Variants in ZEB1 observed in about 807,000 individuals in gnomAD.
ZEB1 encodes the protein zinc finger E-box-binding homeobox 1.
In ZEB1, 21 loss-of-function variants were observed where a neutral mutation model predicts 84.9. That is an observed-to-expected ratio of 0.25 (90% CI 0.18 to 0.36). The LOEUF (loss-of-function observed/expected upper bound fraction) is 0.36. ZEB1 is among the 10% of genes least tolerant of loss of function. ZEB1 has a pLI of 1.00. For missense variants in ZEB1, 1,104 were observed against 1,330.2 expected (o/e 0.83, Z 2.65); for synonymous variants, 420 against 471.1 (o/e 0.89, Z 1.41).
intron 1 of ZEB1, chr10:31,320,150 A>G (rs1589889830): frequency 1.3e-5 from 2 of 151,146 alleles, no homozygotes; most frequent in Admixed American, 6.6e-5. Context: ...GAGCCCCGCG[A>G]GTGGGGTCCA....
At chr10:31,443,243 CTG>C (rs1420077702) in intron 1 of ZEB1, among the ~76,000 whole-genome samples, 1 of 152,116 alleles carries the variant, frequency 6.6e-6, no homozygotes, top group Non-Finnish European at 1.5e-5. Flanking sequence ...TAAGAATTCT[CTG>C]TAAAATAAAG....
intron 1 of ZEB1, among the ~76,000 whole-genome samples, chr10:31,339,377 T>G (rs1254066812): frequency 6.6e-6 from 1 of 152,192 alleles, no homozygotes; most frequent in Admixed American, 6.5e-5. Flanking sequence ...GAGAGAGTAT[T>G]TCCTGTCTCT....
intron 5 of ZEB1, among the ~76,000 whole-genome samples, chr10:31,512,698 G>A (rs1425967525): frequency 6.6e-6 from 1 of 152,164 alleles, no homozygotes; most frequent in Non-Finnish European, 1.5e-5. Context: ...TACATTAGTA[G>A]ATTATATAAA....
In ZEB1 at chr10:31,527,140, GAGA is replaced by G. The variant is rs1280900371; in HGVS notation, c.3260_3262del (p.Glu1087del). 3.7e-6 allele frequency: 6 copies of G among 1,608,718 alleles called. No homozygotes were observed. The East Asian group carries it at 6.8e-5, about 18-fold the overall frequency. On this transcript the variant is annotated inframe_deletion, in exon 9 of 9. Transcript: ENST00000424869. ...GAGGTAGAAGAGGCAGAGAATGAGG[GAGA>G]AGAAGCAAAAACTGAAGGTCTGATG... is the stretch of plus-strand genomic sequence containing the variant.
At chr10:31,479,928 T>C (rs2064819304) in intron 2 of ZEB1, among the ~76,000 whole-genome samples, 1 of 152,044 alleles carries the variant, frequency 6.6e-6, no homozygotes, top group East Asian at 1.9e-4. Flanking sequence ...GTTGGCAATG[T>C]TCCAACATGT....
At chr10:31,467,786 A>G (rs2062628596) in intron 2 of ZEB1, among the ~76,000 whole-genome samples, 2 of 151,906 alleles carry the variant, frequency 1.3e-5, no homozygotes, top group South Asian at 2.1e-4. Flanking sequence ...CAGGTGGTAC[A>G]GAAGCTGGGC....
intron 2 of ZEB1, among the ~76,000 whole-genome samples, chr10:31,467,224 G>T (rs1265486689): frequency 6.6e-6 from 1 of 152,108 alleles, no homozygotes; most frequent in Non-Finnish European, 1.5e-5. Flanking sequence ...CGTTTGGATT[G>T]GTAGGAGGAG....
intron 2 of ZEB1, among the ~76,000 whole-genome samples, chr10:31,490,649 A>G (rs1259432531): frequency 6.6e-6 from 1 of 151,692 alleles, no homozygotes; most frequent in African/African-American, 2.4e-5. Flanking sequence ...TCTTAGTTTA[A>G]TAATTCTAAC....
At chr10:31,462,240 T>C (rs930078218) in intron 2 of ZEB1, among the ~76,000 whole-genome samples, 1 of 152,178 alleles carries the variant, frequency 6.6e-6, no homozygotes, top group Non-Finnish European at 1.5e-5. Context: ...TTCTACAATA[T>C]GACAAATCTA....
chr10:31,395,697 A>G (rs2050590655), intron 1 of ZEB1, among the ~76,000 whole-genome samples: 1 of 152,180 alleles, frequency 6.6e-6, no homozygotes, highest in Non-Finnish European at 1.5e-5. Flanking sequence ...GATTATGCCA[A>G]AAGAGTGACG....
At chr10:31,441,559 G>A (rs1287267320) in intron 1 of ZEB1, among the ~76,000 whole-genome samples, 1 of 152,120 alleles carries the variant, frequency 6.6e-6, no homozygotes, top group South Asian at 2.1e-4. Context: ...TGACAAATGG[G>A]ATCTAATTAA....
intron 1 of ZEB1, among the ~76,000 whole-genome samples, chr10:31,420,901 G>A (rs1244808407): frequency 2.6e-5 from 4 of 152,064 alleles, no homozygotes; most frequent in East Asian, 3.9e-4. Flanking sequence ...CGTAGATATC[G>A]AGATTTCTCA....
At chr10:31,445,839 T>C (rs866517263) in intron 1 of ZEB1, among the ~76,000 whole-genome samples, 119 of 114,960 alleles carry the variant, frequency 1.0e-3, no homozygotes, top group African/African-American at 3.8e-3. Flanking sequence ...TGAGGATTTT[T>C]GCATCAATGT....
intron 2 of ZEB1, among the ~76,000 whole-genome samples, chr10:31,469,852 G>A (rs1209652481): frequency 2.0e-5 from 3 of 151,622 alleles, no homozygotes. Flanking sequence ...CTCCCAGTAC[G>A]CAGCTGGAGA....
intron 1 of ZEB1, among the ~76,000 whole-genome samples, chr10:31,448,835 T>A (rs2060144501): frequency 6.6e-6 from 1 of 152,200 alleles, no homozygotes; most frequent in Non-Finnish European, 1.5e-5. Context: ...ACAGGGACAT[T>A]TAAGTCTGCA....
At chr10:31,510,297 C>A (rs1320999436) in intron 4 of ZEB1, among the ~76,000 whole-genome samples, 1 of 152,288 alleles carries the variant, frequency 6.6e-6, no homozygotes, top group South Asian at 2.1e-4. Context: ...CAAAATTCCC[C>A]TTTAATCTGT....
intron 1 of ZEB1, among the ~76,000 whole-genome samples, chr10:31,378,981 T>C (rs2047167299): frequency 6.6e-6 from 1 of 152,098 alleles, no homozygotes; most frequent in Admixed American, 6.6e-5. Flanking sequence ...CAAATATTTC[T>C]GTTGATACAT....
At chr10:31,352,300 G>A (rs1304562193) in intron 1 of ZEB1, among the ~76,000 whole-genome samples, 1 of 151,962 alleles carries the variant, frequency 6.6e-6, no homozygotes, top group East Asian at 1.9e-4. Context: ...AGTAATTATT[G>A]AAATTTAAGC....
chr10:31,467,419 A>G (rs2062581144), intron 2 of ZEB1, among the ~76,000 whole-genome samples: 1 of 152,046 alleles, frequency 6.6e-6, no homozygotes, highest in Non-Finnish European at 1.5e-5. Flanking sequence ...TCACATGACC[A>G]ATTCAGGATC....
Sources: gnomAD v4.1 joint callset for allele counts (sites outside exome capture counted in the v4.1 genomes callset) on GRCh38, gnomAD v4.1.1 for gene constraint, MANE v1.5 for transcripts, NCBI Gene and HGNC (gene_info 2026-07-23, HGNC 2026-07-21) for gene names.